The following S100A14 variants were observed in gnomAD, a reference collection of about 807,000 sequenced individuals.
S100A14 encodes the protein S100 calcium binding protein A14.
Under a neutral mutation model 10.6 loss-of-function variants are expected in S100A14, and 6 were observed. That is an observed-to-expected ratio of 0.57 (90% CI 0.31 to 1.12). The LOEUF (loss-of-function observed/expected upper bound fraction) is 1.12, where lower values mean the gene tolerates loss of function less well. S100A14 is among the 50% of genes most tolerant of loss of function. The pLI is 0.06. For synonymous variants in S100A14, 51 were observed against 51.0 expected (o/e 1.00, Z 0.00); for missense variants, 121 against 128.7 (o/e 0.94, Z 0.29).
Position 153,614,810 on chromosome 1 carries a change from T to A in S100A14, c.*75A>T, listed in dbSNP as rs1666923232. 6.5e-7 allele frequency: 1 copy of A among 1,538,544 alleles called. No individual in the cohort carries two copies. The highest frequency in any genetic ancestry group is 2.2e-5 in the East Asian group (1 of 44,510). Reference sequence around the variant, plus strand: ...AGGTGCAGGCTAGGGTACAGGGTGGTGGTAGAGGAGACAAGTTTTATCTCC... The same window carrying A: ...AGGTGCAGGCTAGGGTACAGGGTGGAGGTAGAGGAGACAAGTTTTATCTCC... On this transcript the variant is annotated 3_prime_UTR_variant, in exon 4 of 4. Coordinates refer to ENST00000344616, the MANE Select transcript of S100A14 (RefSeq NM_020672.3).
At position 153,615,835 on chromosome 1, in the gene S100A14, G is replaced by T. The variant is rs745569667; in HGVS notation, c.24C>A (p.Asn8Lys). 15 of 1,613,814 alleles carry T rather than the reference G, an allele frequency of 9.3e-6. No individual in the cohort carries two copies. The Admixed American group carries it at 1.5e-4, about 16-fold the overall frequency. MGQCRSA[N>K]AEDAQEFSDV... ...CAGGAGTGAATGAGCCCACCTCTGCGTTGGCTGACCGACACTGTCCCATGG... is the reference window on the plus strand; with the variant it reads ...CAGGAGTGAATGAGCCCACCTCTGCTTTGGCTGACCGACACTGTCCCATGG... The change falls in exon 2 of 4, where the codon AAC (asparagine) becomes AAA (lysine). Residue 8 changes from asparagine to lysine, a missense_variant. By Grantham distance (94) the Asn-to-Lys change is moderately conservative. Transcript: ENST00000344616.
rs1438242855 is a variant in S100A14 at position 153,614,910 on chromosome 1, AG to A, written c.289del (p.Leu97TrpfsTer39). The A allele has an allele frequency of 9.9e-6, 16 of 1,613,854 alleles. No homozygotes were observed. The highest frequency in any genetic ancestry group is 1.3e-5 in the Non-Finnish European group (15 of 1,179,928). On this transcript the variant is annotated frameshift_variant, in exon 4 of 4. Coordinates refer to ENST00000344616, the MANE Select transcript of S100A14 (RefSeq NM_020672.3). LOFTEE classifies it high-confidence loss of function. ...LIGEAAKSVK[L>X]ERPVRGH is the part of the protein sequence containing the mutation. ...TCAGTGCCCCCGGACAGGCCTCTCC[AG>A]CTTCACACTCTTGGCCGCTTCTCCA...
Position 153,615,946 on chromosome 1 carries a change from G to C in S100A14, c.-78-10C>G. On this transcript the variant is annotated splice_polypyrimidine_tract_variant and intron_variant, in intron 1 of 3. Coordinates refer to ENST00000344616, the MANE Select transcript of S100A14 (RefSeq NM_020672.3). ...GCTGATGGCTCATGATCTGCTTAGA[G>C]GAGGGGGTAGGCCTGAGCTGAGGAG... 7.5e-7 allele frequency: 1 copy of C among 1,326,056 alleles called. No homozygotes were observed. The highest frequency in any genetic ancestry group is 1.2e-5 in the South Asian group (1 of 84,780). 82.1% of individuals were successfully genotyped at this position (1,326,056 alleles called of 1,614,324 possible). A position where few individuals can be genotyped will look rare whatever the true frequency, so the allele number is the denominator to read the frequency against.
intron 2 of S100A14, 46 bp from the exon 3 acceptor site, chr1:153,615,427 C>T: frequency 1.9e-6 from 3 of 1,593,370 alleles, no homozygotes. Flanking sequence ...TCCATGCACC[C>T]CAAAACCCTG....
chr1:153,615,118 C>T, intron 3 of S100A14, 96 bp from the exon 4 acceptor site: 1 of 1,584,776 alleles, frequency 6.3e-7, no homozygotes, highest in South Asian at 1.2e-5. Context: ...GCAGAGGCTA[C>T]CTAGCACTGG....
chr1:153,614,362 C>G lies in S100A14; in HGVS notation c.*523G>C, dbSNP rs1438176103. On this transcript the variant is annotated 3_prime_UTR_variant, in exon 4 of 4. Coordinates refer to ENST00000344616, the MANE Select transcript of S100A14 (RefSeq NM_020672.3). ...CTCTCCCCACATGTCACACTCTCCT[C>G]AGCCTCTCCCCCAACCCTGCTCTCC... The G allele has an allele frequency of 6.5e-6, 1 of 154,072 alleles. No individual in the cohort carries two copies. Among genetic ancestry groups the G allele is most frequent in the Non-Finnish European group, 1.4e-5 (1 of 69,228 alleles). 9.5% of individuals were successfully genotyped at this position (154,072 alleles called of 1,614,324 possible).
chr1:153,614,748 C>A lies in S100A14; in HGVS notation c.*137G>T. On this transcript the variant is annotated 3_prime_UTR_variant, in exon 4 of 4. Coordinates refer to ENST00000344616, the MANE Select transcript of S100A14 (RefSeq NM_020672.3). ...GCATCCAAGACAGAGTGCACAGAGACCTGGGGAAGGAAGCTGAACTTTGCA... is the reference window on the plus strand; with the variant it reads ...GCATCCAAGACAGAGTGCACAGAGAACTGGGGAAGGAAGCTGAACTTTGCA... The A allele has an allele frequency of 9.3e-7, 1 of 1,069,772 alleles. No individual in the cohort carries two copies. The allele number at this position is 1,069,772 out of a possible 1,614,324, so 66.3% of individuals were successfully genotyped here.
intron 2 of S100A14, among the ~76,000 whole-genome samples, 166 bp downstream of exon 2, chr1:153,615,663 C>T (rs1484237675): frequency 3.3e-5 from 5 of 152,224 alleles, no homozygotes; most frequent in Admixed American, 3.3e-4. Flanking sequence ...AGGACTCCAT[C>T]TGCATCACCC....
chr1:153,615,093 G>A (rs1428674835), intron 3 of S100A14, 71 bp from the exon 4 acceptor site: 52 of 1,591,442 alleles, frequency 3.3e-5, no homozygotes, highest in Middle Eastern at 1.7e-4. Context: ...CCCTGCCCAC[G>A]GGCAGACAGC....
chr1:153,614,769 T>C lies in S100A14; in HGVS notation c.*116A>G, dbSNP rs544662777. On this transcript the variant is annotated 3_prime_UTR_variant, in exon 4 of 4. Transcript: ENST00000344616. ...GAGACCTGGGGAAGGAAGCTGAACT[T>C]TGCAGAGATGAGGACAGGTGCAGGC... The C allele has an allele frequency of 4.6e-6, 6 of 1,291,758 alleles. No individual in the cohort carries two copies. In the East Asian group the frequency reaches 1.4e-4, roughly 31 times the overall value. 80.0% of individuals were successfully genotyped at this position (1,291,758 alleles called of 1,614,324 possible). A position where few individuals can be genotyped will look rare whatever the true frequency, so the allele number is the denominator to read the frequency against.
At position 153,615,890 on chromosome 1, in the gene S100A14, G is replaced by T; in HGVS notation, c.-32C>A. 1 of 1,612,982 alleles carries T rather than the reference G, an allele frequency of 6.2e-7. No homozygotes were observed. The stretch of plus-strand genomic sequence containing the variant: ...CACTGTGTCTGGTCCTTTGGTGAGA[G>T]TTCTGTTGTCCTATAGCTGGCCCCA... On this transcript the variant is annotated 5_prime_UTR_variant, in exon 2 of 4. Transcript: ENST00000344616.
rs1273892027 is a variant in S100A14 at position 153,614,856 on chromosome 1, A to G, written c.*29T>C. 5.0e-6 allele frequency: 8 copies of G among 1,609,232 alleles called. No homozygotes were observed. The highest frequency in any genetic ancestry group is 6.8e-6 in the Non-Finnish European group (8 of 1,177,796). ...TCTCCAGGCCCACAGTCTCTCCCCA[A>G]CACCCCCCAAGAATTCCAGAGGGAG... On this transcript the variant is annotated 3_prime_UTR_variant, in exon 4 of 4. Coordinates refer to ENST00000344616, the MANE Select transcript of S100A14 (RefSeq NM_020672.3).
intron 2 of S100A14, 101 bp downstream of exon 2, chr1:153,615,728 G>A (rs1229489175): frequency 1.6e-6 from 2 of 1,283,958 alleles, no homozygotes; most frequent in Non-Finnish European, 2.2e-6. Context: ...GGGGTGCAGG[G>A]CAAGGCCAAG....
rs1666921007 is a variant in S100A14 at position 153,614,706 on chromosome 1, C to T, written c.*179G>A. On this transcript the variant is annotated 3_prime_UTR_variant, in exon 4 of 4. Coordinates refer to ENST00000344616, the MANE Select transcript of S100A14 (RefSeq NM_020672.3). ...CCTCCCTCTGGTGGAGACTCCTCCA[C>T]CCATGAGCTCCCCAGAGCATCCAAG... 3 of 704,534 alleles carry T rather than the reference C, an allele frequency of 4.3e-6. No homozygotes were observed. The highest frequency in any genetic ancestry group is 6.7e-6 in the Non-Finnish European group (3 of 444,798). The allele number at this position is 704,534 out of a possible 1,614,324, so 43.6% of individuals were successfully genotyped here.
At position 153,614,786 on chromosome 1, in the gene S100A14, G is replaced by T; in HGVS notation, c.*99C>A. On this transcript the variant is annotated 3_prime_UTR_variant, in exon 4 of 4. Transcript: ENST00000344616. The stretch of plus-strand genomic sequence containing the variant: ...GCTGAACTTTGCAGAGATGAGGACA[G>T]GTGCAGGCTAGGGTACAGGGTGGTG... The T allele has an allele frequency of 7.1e-7, 1 of 1,404,600 alleles. No individual in the cohort carries two copies. The highest frequency in any genetic ancestry group is 9.7e-7 in the Non-Finnish European group (1 of 1,029,494). 87.0% of individuals were successfully genotyped at this position (1,404,600 alleles called of 1,614,324 possible). A position where few individuals can be genotyped will look rare whatever the true frequency, so the allele number is the denominator to read the frequency against.
At chr1:153,615,803 G>A (rs9792967) in intron 2 of S100A14, 26 bp downstream of exon 2, 771,485 of 1,611,704 alleles carry the variant, frequency 0.48, 191,960 homozygotes, top group Admixed American at 0.64. Flanking sequence ...TGTGGGAGCA[G>A]AAAGGCCAGG....
chr1:153,615,901 C>T lies in S100A14; in HGVS notation c.-43G>A. 1 of 1,607,740 alleles carries T rather than the reference C, an allele frequency of 6.2e-7. No homozygotes were observed. Among genetic ancestry groups the T allele is most frequent in the South Asian group, 1.1e-5 (1 of 90,946 alleles). ...GTCCTTTGGTGAGAGTTCTGTTGTCCTATAGCTGGCCCCAGAGGAGCTGAT... is the reference window on the plus strand; with the variant it reads ...GTCCTTTGGTGAGAGTTCTGTTGTCTTATAGCTGGCCCCAGAGGAGCTGAT... On this transcript the variant is annotated 5_prime_UTR_variant, in exon 2 of 4. It removes the in-frame stop codon of an upstream open reading frame in the 5' UTR. Transcript: ENST00000344616.
Position 153,615,681 on chromosome 1 carries a change from G to A in S100A14, c.30+148C>T, listed in dbSNP as rs1571273696. 3 of 807,130 alleles carry A rather than the reference G, an allele frequency of 3.7e-6. No homozygotes were observed. The East Asian group carries it at 8.1e-5, about 22-fold the overall frequency. The allele number at this position is 807,130 out of a possible 1,614,324, so 50.0% of individuals were successfully genotyped here. On this transcript the variant is annotated intron_variant, in intron 2 of 3. Transcript: ENST00000344616. ...ACTCCATCTGCATCACCCTGTGTGG[G>A]CCTCAGAAGAGGGTTCACATCTCAC...
rs748447477 is a variant in S100A14, at chr1:153,615,299, T to C, written c.113A>G (p.Lys38Arg). The C allele has an allele frequency of 1.2e-6, 2 of 1,613,834 alleles. No homozygotes were observed. Among genetic ancestry groups the C allele is most frequent in the African/African-American group, 1.3e-5 (1 of 74,888 alleles). The change falls in exon 3 of 4, where the codon AAG (lysine) becomes AGG (arginine). Residue 38 changes from lysine to arginine, a missense_variant. Physicochemically the swap from Lys to Arg is conservative, Grantham distance 26. Coordinates refer to ENST00000344616, the MANE Select transcript of S100A14 (RefSeq NM_020672.3). Reference sequence around the variant, plus strand: ...TAGCTCAGAAGGGGTCAGCGTCTCCTTCCCACCCTCCACGGAGTACTGGTG... The same window carrying C: ...TAGCTCAGAAGGGGTCAGCGTCTCCCTCCCACCCTCCACGGAGTACTGGTG... The part of the protein sequence containing the change: ...NFHQYSVEGG[K>R]ETLTPSELRD...
Sources: gnomAD v4.1 joint callset for allele counts (sites outside exome capture counted in the v4.1 genomes callset) on GRCh38, gnomAD v4.1.1 for gene constraint, MANE v1.5 for transcripts, NCBI Gene and HGNC (gene_info 2026-07-23, HGNC 2026-07-21) for gene names.